CAPN8: variants seen among roughly 807,000 people sequenced by gnomAD.
CAPN8 encodes calpain-8.
A neutral mutation model predicts 80.9 loss-of-function variants in CAPN8; 87 were observed. The ratio of observed to expected loss-of-function variants is 1.07; its 90% CI spans 0.90 to 1.28. The LOEUF (loss-of-function observed/expected upper bound fraction) is 1.28. CAPN8 is among the 50% of genes most tolerant of loss of function. CAPN8 has a pLI of 0.00. For synonymous variants in CAPN8, 299 were observed against 273.8 expected (o/e 1.09, Z -0.91); for missense variants, 757 against 702.0 (o/e 1.08, Z -0.89).
At chr1:223,623,767 G>C (rs1657473884) in intron 6 of CAPN8, among the ~76,000 whole-genome samples, 1 of 152,042 alleles carries the variant, frequency 6.6e-6, no homozygotes. Flanking sequence ...AGGCCGAGGT[G>C]GGCAGATCAT....
intron 1 of CAPN8, among the ~76,000 whole-genome samples, chr1:223,662,465 A>G (rs1468353474): frequency 6.6e-6 from 1 of 152,176 alleles, no homozygotes; most frequent in East Asian, 1.9e-4. Context: ...AAAAAAAGAA[A>G]GAAAGAAAAA....
Position 223,618,212 on chromosome 1 carries a change from A to G in CAPN8, c.1135+1081T>C, listed in dbSNP as rs996951550. 1.1e-5 allele frequency: 17 copies of G among 1,548,394 alleles called. No homozygotes were observed. In the East Asian group the frequency reaches 3.7e-4, roughly 33 times the overall value. Reference sequence around the variant, plus strand: ...GATTTGCTTTTCTTCATTTCTCCTTAGAGATGTGGGGCTGTCTTCCTGAGT... The same window carrying G: ...GATTTGCTTTTCTTCATTTCTCCTTGGAGATGTGGGGCTGTCTTCCTGAGT... On this transcript the variant is annotated intron_variant, in intron 9 of 20. Coordinates refer to ENST00000366872, the MANE Select transcript of CAPN8 (RefSeq NM_001143962.2).
intron 14 of CAPN8, 93 bp downstream of exon 14, chr1:223,553,739 C>A (rs1358710378): frequency 5.0e-6 from 2 of 398,024 alleles, no homozygotes; most frequent in African/African-American, 2.1e-5. Context: ...CCTTTTTATG[C>A]CTAGAGACCT....
intron 1 of CAPN8, among the ~76,000 whole-genome samples, chr1:223,655,927 G>A (rs1288468601): frequency 6.6e-6 from 1 of 152,190 alleles, no homozygotes; most frequent in South Asian, 2.1e-4. Flanking sequence ...GCCACAGAGA[G>A]AGAGAATCAT....
At chr1:223,547,311 A>T (rs770053352) in intron 16 of CAPN8, among the ~76,000 whole-genome samples, 1 of 152,236 alleles carries the variant, frequency 6.6e-6, no homozygotes, top group Non-Finnish European at 1.5e-5. Flanking sequence ...GTACTGATAC[A>T]TGCTATAGTA....
chr1:223,623,696 C>T (rs981104234), intron 6 of CAPN8, among the ~76,000 whole-genome samples: 5 of 152,122 alleles, frequency 3.3e-5, no homozygotes, highest in African/African-American at 9.7e-5. Flanking sequence ...AGATTAACTT[C>T]ATTAAAGAGC....
chr1:223,558,133 C>T lies in CAPN8; in HGVS notation c.1570G>A (p.Glu524Lys), dbSNP rs1218200006. The T allele has an allele frequency of 2.8e-5, 11 of 398,476 alleles. No homozygotes were observed. The highest frequency in any genetic ancestry group is 4.9e-5 in the Non-Finnish European group (11 of 226,064). 24.7% of individuals were successfully genotyped at this position (398,476 alleles called of 1,614,324 possible). ...IGDVVAGNPY[E>K]PHPSEVDQED... ...TGGCATACAAAAAGATTGCATACCT[C>T]ATATGGGTTTCCAGCTACCACATCC... Residue 524 changes from glutamate to lysine, a missense_variant and splice_region_variant, in exon 13 of 21, where the codon GAG (glutamate) becomes AAG (lysine). Transcript: ENST00000366872.
intron 20 of CAPN8, 50 bp from the exon 21 acceptor site, chr1:223,541,909 T>A: frequency 6.4e-7 from 1 of 1,551,264 alleles, no homozygotes; most frequent in Non-Finnish European, 8.7e-7. Flanking sequence ...GGGGCTGGTG[T>A]GCTTTCACCA....
intron 2 of CAPN8, among the ~76,000 whole-genome samples, chr1:223,638,639 G>GA (rs1657971242): frequency 6.6e-6 from 1 of 152,132 alleles, no homozygotes; most frequent in Non-Finnish European, 1.5e-5. Context: ...GTGCCTCCGG[G>GA]AATCGTAGGC....
At chr1:223,548,998 AGT>A (rs1380216177) in intron 16 of CAPN8, among the ~76,000 whole-genome samples, 1 of 151,954 alleles carries the variant, frequency 6.6e-6, no homozygotes, top group Non-Finnish European at 1.5e-5. Context: ...AGATGAACAG[AGT>A]GTGGAGGGAG....
chr1:223,635,393 G>C (rs1657890124), intron 2 of CAPN8, among the ~76,000 whole-genome samples: 1 of 152,068 alleles, frequency 6.6e-6, no homozygotes, highest in African/African-American at 2.4e-5. Context: ...TTGCAGAGCA[G>C]GGCTAATTCA....
Position 223,623,998 on chromosome 1 carries a change from G to GAA in CAPN8, c.814-1100_814-1099dup, listed in dbSNP as rs71702521. 6.0e-3 allele frequency among the ~76,000 whole-genome samples: 791 copies of GAA among 132,182 alleles called. 4 individuals carry two copies. The highest frequency in any genetic ancestry group is 0.011 in the African/African-American group (396 of 36,122). 86.7% of individuals were successfully genotyped at this position (132,182 alleles called of 152,430 possible). On this transcript the variant is annotated intron_variant, in intron 6 of 20. Coordinates refer to ENST00000366872, the MANE Select transcript of CAPN8 (RefSeq NM_001143962.2). ...CTGGTGATAGAGCAAGACTCCACCT[G>GAA]AAAAAAAAAAAAAAGAAAAAAGAAA...
At chr1:223,550,211 G>C (rs1280969222) in intron 15 of CAPN8, among the ~76,000 whole-genome samples, 1 of 152,190 alleles carries the variant, frequency 6.6e-6, no homozygotes, top group Non-Finnish European at 1.5e-5. Context: ...GAGTGGTGTG[G>C]AGAGGAGACG....
rs1380959858 is a variant in CAPN8 at position 223,609,262 on chromosome 1, G to A, written c.1426C>T (p.Arg476Trp). 17 of 398,402 alleles carry A rather than the reference G, an allele frequency of 4.3e-5. No individual in the cohort carries two copies. Among genetic ancestry groups the A allele is most frequent in the South Asian group, 2.5e-4 (2 of 7,854 alleles). 24.7% of individuals were successfully genotyped at this position (398,402 alleles called of 1,614,324 possible). The change falls in exon 12 of 21, where the codon CGG becomes TGG. Residue 476 changes from arginine (R) to tryptophan (W), a missense_variant. Physicochemically the swap from Arg to Trp is moderately radical, Grantham distance 101. Transcript: ENST00000366872. ...TACTCCCCAGGGGGCAGCCGGGCCC[G>A]GCCAGAGACCTCCCGCAGGTTGACG... ...TYVNLREVSG[R>W]ARLPPGEYLV... is the part of the protein sequence containing the mutation.
intron 2 of CAPN8, among the ~76,000 whole-genome samples, chr1:223,652,814 C>A (rs1315705774): frequency 6.6e-6 from 1 of 152,058 alleles, no homozygotes; most frequent in Non-Finnish European, 1.5e-5. Context: ...GAGGCTGCTG[C>A]GTTTGTTCTG....
At chr1:223,651,145 T>C (rs1658333701) in intron 2 of CAPN8, among the ~76,000 whole-genome samples, 1 of 151,990 alleles carries the variant, frequency 6.6e-6, no homozygotes, top group Non-Finnish European at 1.5e-5. Flanking sequence ...CTAGGCCTGG[T>C]GAGAACAGGC....
intron 12 of CAPN8, among the ~76,000 whole-genome samples, chr1:223,558,534 G>A (rs1272244860): frequency 6.6e-6 from 1 of 152,314 alleles, no homozygotes; most frequent in Non-Finnish European, 1.5e-5. Flanking sequence ...GGCTAAGCCA[G>A]CAAGCCCACA....
chr1:223,617,307 T>G (rs1266670777), intron 9 of CAPN8: 1 of 141,374 alleles, frequency 7.1e-6, no homozygotes, highest in African/African-American at 2.7e-5. Flanking sequence ...TGTTTTGTTT[T>G]GTTTTGTTTT....
In CAPN8 at chr1:223,627,018, C is replaced by A; in HGVS notation, c.700G>T (p.Ala234Ser). The A allele has an allele frequency of 6.4e-7, 1 of 1,551,868 alleles. No individual in the cohort carries two copies. Among genetic ancestry groups the A allele is most frequent in the African/African-American group, 1.4e-5 (1 of 73,178 alleles). Residue 234 changes from alanine (A) to serine (S), a missense_variant, in exon 5 of 21, where the codon GCG becomes TCG. By Grantham distance (99) the Ala-to-Ser change is moderately conservative. Coordinates refer to ENST00000366872, the MANE Select transcript of CAPN8 (RefSeq NM_001143962.2). ...ATGGAGCAGCCCAGCAGAGACCCCG[C>A]ACAGAGGGCCTTCCGGATGATCTGA... is the stretch of plus-strand genomic sequence containing the variant. Reference protein sequence around the residue: ...LYQIIRKALCAGSLLGCSIDV... With the variant: ...LYQIIRKALCSGSLLGCSIDV...
Sources: allele counts gnomAD v4.1 joint callset (sites outside exome capture counted in the v4.1 genomes callset), GRCh38; gene constraint gnomAD v4.1.1; transcripts MANE v1.5; gene names NCBI Gene and HGNC (gene_info 2026-07-23, HGNC 2026-07-21).